Variants in AP1G1 observed in about 807,000 individuals in gnomAD.
AP1G1 encodes the protein AP-1 complex subunit gamma-1.
AP1G1 carries 7 observed loss-of-function variants against 108.3 expected under a neutral mutation model. The observed-to-expected ratio is 0.06, with a 90% CI of 0.04 to 0.12. AP1G1 has a LOEUF of 0.12. Among genes scored for constraint, AP1G1 ranks in the 10% least tolerant of loss-of-function variants. The probability of loss-of-function intolerance (pLI) is 1.00; values close to 1 mark genes in which losing one functional copy is unlikely to be tolerated. For synonymous variants in AP1G1, 379 were observed against 353.5 expected (o/e 1.07, Z -0.81); for missense variants, 756 against 1,010.7 (o/e 0.75, Z 3.42).
At chr16:71,748,489 A>C in intron 15 of AP1G1, 111 bp from the exon 16 acceptor site, 1 of 1,249,908 alleles carries the variant, frequency 8.0e-7, no homozygotes, top group East Asian at 2.5e-5. Flanking sequence ...TACCGTTACA[A>C]AAGCCTCTAA....
At chr16:71,801,618 A>G (rs2032803197) in intron 1 of AP1G1, among the ~76,000 whole-genome samples, 1 of 152,124 alleles carries the variant, frequency 6.6e-6, no homozygotes, top group African/African-American at 2.4e-5. Context: ...GATTGTTGAC[A>G]TGATGCTTGA....
intron 11 of AP1G1, among the ~76,000 whole-genome samples, chr16:71,757,349 G>A (rs1048384811): frequency 1.3e-5 from 2 of 151,818 alleles, no homozygotes; most frequent in Admixed American, 1.3e-4. Flanking sequence ...TACTTGAGAG[G>A]CTGAGACAGG....
Position 71,732,927 on chromosome 16 carries a change from A to G in AP1G1, c.*131T>C, listed in dbSNP as rs1332576978. ...CAAGGTCAGCAGTAACTTTAGGAAAATCCTCCTCAGCAGTTCTCTTCAGCT... is the reference window on the plus strand; with the variant it reads ...CAAGGTCAGCAGTAACTTTAGGAAAGTCCTCCTCAGCAGTTCTCTTCAGCT... On this transcript the variant is annotated 3_prime_UTR_variant, in exon 23 of 23. Transcript: ENST00000299980. The G allele has an allele frequency of 4.5e-6, 3 of 670,314 alleles. No individual in the cohort carries two copies. The highest frequency in any genetic ancestry group is 5.1e-6 in the Non-Finnish European group (2 of 392,940). The allele number at this position is 670,314 out of a possible 1,614,324, so 41.5% of individuals were successfully genotyped here. A position where few individuals can be genotyped will look rare whatever the true frequency, so the allele number is the denominator to read the frequency against.
At chr16:71,762,809 T>C (rs938173677) in intron 9 of AP1G1, among the ~76,000 whole-genome samples, 1 of 152,018 alleles carries the variant, frequency 6.6e-6, no homozygotes, top group East Asian at 1.9e-4. Flanking sequence ...TCTAGCAAAC[T>C]AACCAAAACT....
At chr16:71,768,928 A>AG (rs2031441816) in intron 6 of AP1G1, among the ~76,000 whole-genome samples, 1 of 144,172 alleles carries the variant, frequency 6.9e-6, no homozygotes, top group African/African-American at 2.6e-5. Flanking sequence ...AAAAAAAAAA[A>AG]AAAAAAAAAA....
intron 21 of AP1G1, among the ~76,000 whole-genome samples, chr16:71,737,347 G>A (rs1025485481): frequency 3.3e-5 from 5 of 152,024 alleles, no homozygotes. Context: ...GCAGTGGCAT[G>A]ATCTTGGCTA....
Position 71,745,575 on chromosome 16 carries a change from C to T in AP1G1, c.1770G>A (p.Val590=). The T allele has an allele frequency of 6.2e-7, 1 of 1,614,154 alleles. No individual in the cohort carries two copies. Among genetic ancestry groups the T allele is most frequent in the Non-Finnish European group, 8.5e-7 (1 of 1,180,040 alleles). ...CAATCTCAGTAGGGCCATTTGTGGT[C>T]ACTTTTTCCATGACAGGCATTCTCT... ...LLERMPVMEK[V]TTNGPTEIVQ... Residue 590 remains valine, a synonymous_variant, in exon 18 of 23, where the codon GTG becomes GTA. Transcript: ENST00000299980.
chr16:71,766,573 T>C (rs921999366), intron 6 of AP1G1: 1 of 323,536 alleles, frequency 3.1e-6, no homozygotes, highest in Non-Finnish European at 6.4e-6. Context: ...AGTTAAATAG[T>C]GTGCAAAGTG....
At chr16:71,800,239 TG>T (rs2032740802) in intron 1 of AP1G1, among the ~76,000 whole-genome samples, 1 of 143,524 alleles carries the variant, frequency 7.0e-6, no homozygotes, top group African/African-American at 2.6e-5. Flanking sequence ...GGTGTGGTGG[TG>T]GGCGCCTGTA....
chr16:71,760,052 A>G (rs1442990051), intron 10 of AP1G1, among the ~76,000 whole-genome samples: 1 of 152,080 alleles, frequency 6.6e-6, no homozygotes, highest in Non-Finnish European at 1.5e-5. Flanking sequence ...ATTTTTTAAT[A>G]GAGATGGGGT....
Position 71,768,733 on chromosome 16 carries a change from G to C in AP1G1, c.642+890C>G, listed in dbSNP as rs1387962855. 4.1e-5 allele frequency among the ~76,000 whole-genome samples: 6 copies of C among 147,978 alleles called. No homozygotes were observed. The East Asian group carries it at 1.0e-3, about 25-fold the overall frequency. ...GATCAAGACCATCCTGGCTAACACA[G>C]TGAAACCCTGACTCTACTAAAAATA... On this transcript the variant is annotated intron_variant, in intron 6 of 22. Transcript: ENST00000299980.
chr16:71,734,730 C>G, intron 21 of AP1G1, 23 bp from the exon 22 acceptor site: 2 of 1,587,900 alleles, frequency 1.3e-6, no homozygotes, highest in Non-Finnish European at 1.7e-6. Flanking sequence ...AAAGGGCACT[C>G]TTCAGAAAAA....
At chr16:71,793,044 C>T in intron 1 of AP1G1, among the ~76,000 whole-genome samples, 1 of 151,866 alleles carries the variant, frequency 6.6e-6, no homozygotes, top group Non-Finnish European at 1.5e-5. Flanking sequence ...TGGCATGCAC[C>T]TGTGGTCCCA....
At chr16:71,788,568 C>A (rs1274424670) in intron 2 of AP1G1, among the ~76,000 whole-genome samples, 1 of 152,086 alleles carries the variant, frequency 6.6e-6, no homozygotes, top group African/African-American at 2.4e-5. Flanking sequence ...AATTGGCAAC[C>A]ACCTAATTTC....
intron 13 of AP1G1, chr16:71,753,626 C>T (rs1171201381): frequency 1.8e-6 from 1 of 559,610 alleles, no homozygotes; most frequent in Non-Finnish European, 3.2e-6. Context: ...AAACACTTGG[C>T]CAGTTGCCCT....
At chr16:71,737,125 G>T (rs1011129258) in intron 21 of AP1G1, among the ~76,000 whole-genome samples, 1 of 152,070 alleles carries the variant, frequency 6.6e-6, no homozygotes, top group Non-Finnish European at 1.5e-5. Flanking sequence ...GCAACCTTAG[G>T]AAGTGGCTAT....
At chr16:71,755,639 ATTT>A (rs765286895) in intron 12 of AP1G1, among the ~76,000 whole-genome samples, 1 of 150,144 alleles carries the variant, frequency 6.7e-6, no homozygotes, top group Non-Finnish European at 1.5e-5. Flanking sequence ...TAGTTTCCCC[ATTT>A]TTTTTTTTTT....
Position 71,779,040 on chromosome 16 carries a change from C to T in AP1G1, c.202-4448G>A, listed in dbSNP as rs1425534549. On this transcript the variant is annotated intron_variant, in intron 2 of 22. Transcript: ENST00000299980. Reference sequence around the variant, plus strand: ...CTTTAATAAGACCAGAGTAAACAGTCCAGCTTTTATATCCAAATTCCACAC... The same window carrying T: ...CTTTAATAAGACCAGAGTAAACAGTTCAGCTTTTATATCCAAATTCCACAC... Among the ~76,000 whole-genome samples, 5 of 152,156 alleles carry T rather than the reference C, an allele frequency of 3.3e-5. No individual in the cohort carries two copies. In the East Asian group the frequency reaches 7.7e-4, roughly 23 times the overall value.
At chr16:71,793,771 G>T (rs2032485481) in intron 1 of AP1G1, among the ~76,000 whole-genome samples, 1 of 149,918 alleles carries the variant, frequency 6.7e-6, no homozygotes, top group African/African-American at 2.5e-5. Context: ...TGCAATCTCT[G>T]CCTCCTTGGC....
Sources: gnomAD v4.1 joint callset for allele counts (sites outside exome capture counted in the v4.1 genomes callset) on GRCh38, gnomAD v4.1.1 for gene constraint, MANE v1.5 for transcripts, NCBI Gene and HGNC (gene_info 2026-07-23, HGNC 2026-07-21) for gene names.